The following NPC1L1 variants were observed in gnomAD, a reference collection of about 807,000 sequenced individuals.
The protein encoded by NPC1L1 is NPC1 like intracellular cholesterol transporter 1.
A neutral mutation model predicts 117.0 loss-of-function variants in NPC1L1; 98 were observed. The ratio of observed to expected loss-of-function variants is 0.84; its 90% CI spans 0.71 to 0.99. NPC1L1 has a LOEUF of 0.99. Among genes scored for constraint, NPC1L1 ranks in the 50% least tolerant of loss-of-function variants. The pLI, the probability that NPC1L1 is intolerant of heterozygous loss-of-function variation, is 0.00. For synonymous variants in NPC1L1, 729 were observed against 727.6 expected, an observed-to-expected ratio of 1.00 and a Z score of -0.03; for missense variants, 1,540 against 1,710.0, an observed-to-expected ratio of 0.90 and a Z score of 1.75.
At chr7:44,522,703 G>A (rs1801399467) in intron 10 of NPC1L1, among the ~76,000 whole-genome samples, 1 of 151,792 alleles carries the variant, frequency 6.6e-6, no homozygotes, top group Non-Finnish European at 1.5e-5. Flanking sequence ...AATCACAGGT[G>A]CAAACAGAAG....
At chr7:44,522,024 T>G (rs1023462362) in intron 11 of NPC1L1, 28 bp downstream of exon 11, 1 of 1,611,624 alleles carries the variant, frequency 6.2e-7, no homozygotes, top group Non-Finnish European at 8.5e-7. Context: ...GGGAGTAGGC[T>G]GGGGTTTGGG....
rs143590087 is a variant in NPC1L1, at chr7:44,539,595, G to A, written c.802C>T (p.Arg268Cys). The change falls in exon 2 of 19, where the codon CGC becomes TGC. Residue 268 changes from arginine to cysteine, a missense_variant. This residue lies in a region of NPC1L1 where 793 missense variants were observed against 820.4 expected (regional missense o/e 0.97). Coordinates refer to ENST00000381160, the MANE Select transcript of NPC1L1 (RefSeq NM_001101648.2). This position sits in a 1 kb window ranked among gnomAD's most constrained non-coding sequence, Gnocchi z 4.4. ...DCAASCPAIA[R>C]PQALDSTFYL... is the part of the protein sequence containing the mutation. The stretch of plus-strand genomic sequence containing the variant: ...AAGGTGGAGTCGAGGGCCTGGGGGC[G>A]GGCTATGGCAGGACAGGATGCAGCA... 483 of 1,613,892 alleles carry A rather than the reference G, an allele frequency of 3.0e-4. 1 individual carries two copies. Among genetic ancestry groups the A allele is most frequent in the Non-Finnish European group, 3.9e-4 (458 of 1,180,028 alleles).
At chr7:44,517,026 T>A (rs1801211985) in intron 15 of NPC1L1, 92 bp from the exon 16 acceptor site, 1 of 1,451,064 alleles carries the variant, frequency 6.9e-7, no homozygotes, top group South Asian at 1.2e-5. Context: ...ATGCTGAGGG[T>A]CAGGCAGGCT....
Position 44,533,444 on chromosome 7 carries a change from C to T in NPC1L1, c.2396G>A (p.Ser799Asn). Residue 799 changes from serine to asparagine, a missense_variant, in exon 8 of 19, where the codon AGC becomes AAC. Around this residue, in one of 3 missense-constraint regions of NPC1L1, gnomAD observed 742 missense variants for 873.6 expected, o/e 0.85. Transcript: ENST00000381160. Reference protein sequence around the residue: ...SAFVALLSLDSKRQEASRLDV... With the variant: ...SAFVALLSLDNKRQEASRLDV... ...AGCTGCCCCTACCTCCTGCCTCTTG[C>T]TGTCCAGGGAGAGCAGGGCCACAAA... is the stretch of plus-strand genomic sequence containing the variant. 2 of 1,613,920 alleles carry T rather than the reference C, an allele frequency of 1.2e-6. No homozygotes were observed. Among genetic ancestry groups the T allele is most frequent in the Non-Finnish European group, 1.7e-6 (2 of 1,179,938 alleles).
chr7:44,537,036 A>C (rs982727774), intron 2 of NPC1L1, 94 bp from the exon 3 acceptor site: 11 of 980,552 alleles, frequency 1.1e-5, no homozygotes, highest in Admixed American at 2.4e-5. Flanking sequence ...GACCCACAGC[A>C]CTATGGAGGG....
At chr7:44,519,672 G>C (rs117788436) in intron 14 of NPC1L1, among the ~76,000 whole-genome samples, 2,128 of 152,162 alleles carry the variant, frequency 0.014, 22 homozygotes, top group Non-Finnish European at 0.021. Flanking sequence ...CCCCTACACC[G>C]AGCATGTCTG....
intron 14 of NPC1L1, among the ~76,000 whole-genome samples, chr7:44,517,905 C>A (rs1233922196): frequency 6.6e-6 from 1 of 151,982 alleles, no homozygotes. Context: ...CACCTGAGGT[C>A]AGGAGTTCAA....
rs755018898 is a variant in NPC1L1 at position 44,517,190 on chromosome 7, GC to G, written c.3287+16del. 1.2e-6 allele frequency: 2 copies of G among 1,614,050 alleles called. No individual in the cohort carries two copies. Among genetic ancestry groups the G allele is most frequent in the South Asian group, 1.1e-5 (1 of 91,078 alleles). On this transcript the variant is annotated intron_variant, in intron 15 of 18. Transcript: ENST00000381160. ...CCATACCCCACCTCCCTCCAGCCCA[GC>G]CACTCAGGTCCTCACGTGTAGGGGA... is the stretch of plus-strand genomic sequence containing the variant.
chr7:44,517,451 T>A, intron 14 of NPC1L1, 94 bp from the exon 15 acceptor site: 1 of 1,483,170 alleles, frequency 6.7e-7, no homozygotes, highest in Admixed American at 1.7e-5. Flanking sequence ...GGCACAGGCA[T>A]GTGATCAAGC....
intron 14 of NPC1L1, among the ~76,000 whole-genome samples, chr7:44,518,997 C>CTCTT (rs1217786453): frequency 6.6e-6 from 1 of 150,878 alleles, no homozygotes; most frequent in East Asian, 1.9e-4. Context: ...CTCTTTCTCT[C>CTCTT]TCTTTCTCTC....
At chr7:44,527,661 C>T (rs780131415) in intron 10 of NPC1L1, among the ~76,000 whole-genome samples, 2 of 151,892 alleles carry the variant, frequency 1.3e-5, no homozygotes, top group Non-Finnish European at 2.9e-5. Flanking sequence ...GCCTGGGCAA[C>T]AGAGCAAGAC....
At chr7:44,527,018 C>A (rs1801538101) in intron 10 of NPC1L1, among the ~76,000 whole-genome samples, 1 of 151,014 alleles carries the variant, frequency 6.6e-6, no homozygotes, top group African/African-American at 2.4e-5. Flanking sequence ...GAGTGAAACT[C>A]CATCTCAAAA....
At chr7:44,530,904 C>T (rs559567548) in intron 10 of NPC1L1, among the ~76,000 whole-genome samples, 26 of 152,334 alleles carry the variant, frequency 1.7e-4, no homozygotes, top group African/African-American at 5.5e-4. Context: ...CCAGCCGCAC[C>T]CCACTCAGCC....
chr7:44,517,627 T>G lies in NPC1L1; in HGVS notation c.3137-270A>C, dbSNP rs76744680. On this transcript the variant is annotated intron_variant, in intron 14 of 18. Coordinates refer to ENST00000381160, the MANE Select transcript of NPC1L1 (RefSeq NM_001101648.2). ...GTGAAGCCTACAGAGATCTCCCTAG[T>G]GAACCGAGATTCTTCTCTGTATGGT... Among the ~76,000 whole-genome samples, 4 of 152,326 alleles carry G rather than the reference T, an allele frequency of 2.6e-5. No homozygotes were observed. The East Asian group carries it at 5.8e-4, about 22-fold the overall frequency.
At chr7:44,526,805 C>A (rs180780452) in intron 10 of NPC1L1, among the ~76,000 whole-genome samples, 59 of 152,100 alleles carry the variant, frequency 3.9e-4, no homozygotes, top group African/African-American at 1.3e-3. Flanking sequence ...GGGTGGATCA[C>A]CTGAGGTCAG....
In NPC1L1 at chr7:44,534,463, A is replaced by T. The variant is rs1801801699; in HGVS notation, c.2150T>A (p.Phe717Tyr). 6.2e-7 allele frequency: 1 copy of T among 1,614,126 alleles called. No individual in the cohort carries two copies. The highest frequency in any genetic ancestry group is 8.5e-7 in the Non-Finnish European group (1 of 1,180,012). Residue 717 changes from phenylalanine (F) to tyrosine (Y), a missense_variant, in exon 6 of 19, where the codon TTT becomes TAT. Physicochemically the swap from Phe to Tyr is conservative, Grantham distance 22. Coordinates refer to ENST00000381160, the MANE Select transcript of NPC1L1 (RefSeq NM_001101648.2). This position sits in a 1 kb window ranked among gnomAD's most constrained non-coding sequence, Gnocchi z 5.2. ...LSVGADNIFI[F>Y]VLEYQRLPRR... Reference sequence around the variant, plus strand: ...CCTTCTTACCTGGTACTCGAGAACAAAGATGAAGATGTTATCAGCCCCCAC... The same window carrying T: ...CCTTCTTACCTGGTACTCGAGAACATAGATGAAGATGTTATCAGCCCCCAC...
rs1309579815 is a variant in NPC1L1 at position 44,541,288 on chromosome 7, G to A, written c.-29C>T. ...AGGTCTGGGAAGGGGTCAGCGGGGA[G>A]CCAGGCCAGGCCTCAGGAACAGCCA... On this transcript the variant is annotated 5_prime_UTR_variant, in exon 1 of 19. Transcript: ENST00000381160. 3 of 1,547,482 alleles carry A rather than the reference G, an allele frequency of 1.9e-6. No individual in the cohort carries two copies. Among genetic ancestry groups the A allele is most frequent in the South Asian group, 2.4e-5 (2 of 83,942 alleles).
intron 10 of NPC1L1, among the ~76,000 whole-genome samples, chr7:44,525,292 T>C (rs920786498): frequency 6.6e-6 from 1 of 152,020 alleles, no homozygotes; most frequent in Non-Finnish European, 1.5e-5. Flanking sequence ...GGAGTCTTGC[T>C]CTGTTGCCAG....
intron 2 of NPC1L1, among the ~76,000 whole-genome samples, chr7:44,537,322 G>A (rs577315032): frequency 1.1e-4 from 17 of 152,316 alleles, no homozygotes; most frequent in African/African-American, 3.8e-4. Context: ...TGGATTGAGC[G>A]TCACACCTGA....
Sources: allele counts gnomAD v4.1 joint callset (sites outside exome capture counted in the v4.1 genomes callset), GRCh38; gene constraint gnomAD v4.1.1; regional missense constraint gnomAD v4.1.1; non-coding constraint Gnocchi (gnomAD v3.1); transcripts MANE v1.5; gene names NCBI Gene and HGNC (gene_info 2026-07-23, HGNC 2026-07-21).